The following MBD4 variants were observed in gnomAD, a reference collection of about 807,000 sequenced individuals.
The protein encoded by MBD4 is methyl-CpG-binding domain protein 4.
A neutral mutation model predicts 60.2 loss-of-function variants in MBD4; 53 were observed. The observed-to-expected ratio is 0.88, with a 90% CI of 0.71 to 1.11. MBD4 has a LOEUF of 1.11. MBD4 is among the 50% of genes least tolerant of loss of function. The pLI, the probability that MBD4 is intolerant of heterozygous loss-of-function variation, is 0.00. For synonymous variants in MBD4, 231 were observed against 229.8 expected, an observed-to-expected ratio of 1.01 and a Z score of -0.05; for missense variants, 619 against 674.0, an observed-to-expected ratio of 0.92 and a Z score of 0.90.
intron 5 of MBD4, 28 bp from the exon 6 acceptor site, chr3:129,433,275 A>G (rs568323596): frequency 1.2e-6 from 2 of 1,613,128 alleles, no homozygotes; most frequent in Non-Finnish European, 1.7e-6. Flanking sequence ...CTGAATGATT[A>G]CAAGACTCCA....
Position 129,439,839 on chromosome 3 carries a change from A to C in MBD4, c.-6T>G. Reference sequence around the variant, plus strand: ...TCCAGCCCAGTCGTGCCCATCGAGCAGGGTCCGGCTGCAGCAACGAGCCCA... The same window carrying C: ...TCCAGCCCAGTCGTGCCCATCGAGCCGGGTCCGGCTGCAGCAACGAGCCCA... On this transcript the variant is annotated 5_prime_UTR_variant, in exon 1 of 8. Transcript: ENST00000429544. 3.7e-6 allele frequency: 6 copies of C among 1,605,468 alleles called. No individual in the cohort carries two copies. Among genetic ancestry groups the C allele is most frequent in the Non-Finnish European group, 5.1e-6 (6 of 1,173,792 alleles).
chr3:129,435,379 C>T (rs919022829), intron 3 of MBD4, among the ~76,000 whole-genome samples: 3 of 152,192 alleles, frequency 2.0e-5, no homozygotes, highest in Non-Finnish European at 4.4e-5. Context: ...ATTTCATGGA[C>T]ACCTCGTACT....
chr3:129,432,928 G>C (rs1190691125), intron 6 of MBD4, among the ~76,000 whole-genome samples, 170 bp downstream of exon 6: 1 of 152,188 alleles, frequency 6.6e-6, no homozygotes, highest in African/African-American at 2.4e-5. Context: ...TTATTGTTTA[G>C]GTCAGTGGGA....
In MBD4 at chr3:129,437,825, G is replaced by C. The variant is rs748118249; in HGVS notation, c.230C>G (p.Thr77Ser). 4 of 1,613,944 alleles carry C rather than the reference G, an allele frequency of 2.5e-6. No homozygotes were observed. Among genetic ancestry groups the C allele is most frequent in the Non-Finnish European group, 2.5e-6 (3 of 1,179,918 alleles). The change falls in exon 2 of 8, where the codon ACT (threonine) becomes AGT (serine). Residue 77 changes from threonine to serine, a missense_variant. Physicochemically the swap from Thr to Ser is moderately conservative, Grantham distance 58. Transcript: ENST00000429544. ...EPIASAQFGA[T>S]AGTECRKSVP... ...AGACTTACGGCATTCTGTTCCTGCA[G>C]TAGCACCAAACTGAGCAGAAGCGAT...
At position 129,436,488 on chromosome 3, in the gene MBD4, AGTT is replaced by A. The variant is rs746027174; in HGVS notation, c.1153_1155del (p.Asn385del). On this transcript the variant is annotated inframe_deletion, in exon 3 of 8. Coordinates refer to ENST00000429544, the MANE Select transcript of MBD4 (RefSeq NM_001276270.2). ...GTGAAGTCTTTCCTGGTTGGTGAGC[AGTT>A]GTTGTCCATTTCAGAGCCACGTTTT... is the stretch of plus-strand genomic sequence containing the variant. 2.5e-6 allele frequency: 4 copies of A among 1,614,008 alleles called. No homozygotes were observed. Among genetic ancestry groups the A allele is most frequent in the African/African-American group, 2.7e-5 (2 of 74,942 alleles).
rs1002055066 is a variant in MBD4 at position 129,439,749 on chromosome 3, C to A, written c.85G>T (p.Asp29Tyr). 1 of 1,596,872 alleles carries A rather than the reference C, an allele frequency of 6.3e-7. No individual in the cohort carries two copies. The highest frequency in any genetic ancestry group is 1.3e-5 in the African/African-American group (1 of 74,894). The change falls in exon 1 of 8, where the codon GAC becomes TAC. Residue 29 changes from aspartate to tyrosine, a missense_variant. By Grantham distance (160) the Asp-to-Tyr change is radical (BLOSUM62 -3). Coordinates refer to ENST00000429544, the MANE Select transcript of MBD4 (RefSeq NM_001276270.2). ...TVTSSERLVP[D>Y]PPNDLRKEDV... is the part of the protein sequence containing the mutation. ...ACTTACCGGAGGTCATTCGGCGGGT[C>A]TGGGACTAGGCGCTCACTAGAGGTG...
In MBD4 at chr3:129,439,713, A is replaced by AG; in HGVS notation, c.104+16dup. The stretch of plus-strand genomic sequence containing the variant: ...ACAGGTGGTGAAACTGAGGCCCAAA[A>AG]GGGGACAGTAACTTACCGGAGGTCA... On this transcript the variant is annotated intron_variant, in intron 1 of 7. Coordinates refer to ENST00000429544, the MANE Select transcript of MBD4 (RefSeq NM_001276270.2). 6.8e-7 allele frequency: 1 copy of AG among 1,480,226 alleles called. No individual in the cohort carries two copies. Among genetic ancestry groups the AG allele is most frequent in the Non-Finnish European group, 9.3e-7 (1 of 1,075,310 alleles). 91.7% of individuals were successfully genotyped at this position (1,480,226 alleles called of 1,614,324 possible). A position where few individuals can be genotyped will look rare whatever the true frequency, so the allele number is the denominator to read the frequency against.
chr3:129,433,319 T>C lies in MBD4; in HGVS notation c.1394-72A>G, dbSNP rs1577060978. 6 of 1,522,360 alleles carry C rather than the reference T, an allele frequency of 3.9e-6. No individual in the cohort carries two copies. In the East Asian group the frequency reaches 6.8e-5, roughly 17 times the overall value. 94.3% of individuals were successfully genotyped at this position (1,522,360 alleles called of 1,614,324 possible). A position where few individuals can be genotyped will look rare whatever the true frequency, so the allele number is the denominator to read the frequency against. On this transcript the variant is annotated intron_variant, in intron 5 of 7. Coordinates refer to ENST00000429544, the MANE Select transcript of MBD4 (RefSeq NM_001276270.2). ...GATTTCATGTTCAAGTAGTTTCTCA[T>C]AGAAATCTCATCCAGAGGGTTTTTT...
At position 129,436,534 on chromosome 3, in the gene MBD4, A is replaced by G; in HGVS notation, c.1110T>C (p.His370=). The G allele has an allele frequency of 6.2e-7, 1 of 1,614,124 alleles. No homozygotes were observed. The highest frequency in any genetic ancestry group is 8.5e-7 in the Non-Finnish European group (1 of 1,180,018). Reference sequence around the variant, plus strand: ...CACGTTTTAAAATGTCAGTATGCAAATGTTCTTTCCTTTCCACAACTTCTA... The same window carrying G: ...CACGTTTTAAAATGTCAGTATGCAAGTGTTCTTTCCTTTCCACAACTTCTA... ...TKVEVVERKE[H]LHTDILKRGS... The change falls in exon 3 of 8, where the codon CAT becomes CAC. Residue 370 remains histidine, a synonymous_variant. Transcript: ENST00000429544.
At chr3:129,438,151 A>AC (rs2072513094) in intron 1 of MBD4, among the ~76,000 whole-genome samples, 1 of 152,186 alleles carries the variant, frequency 6.6e-6, no homozygotes, top group Non-Finnish European at 1.5e-5. Context: ...AGCACAGGTT[A>AC]AAAGGTGTTG....
chr3:129,436,200 TTAA>T (rs1286342348), intron 3 of MBD4, among the ~76,000 whole-genome samples: 1 of 152,104 alleles, frequency 6.6e-6, no homozygotes, highest in Non-Finnish European at 1.5e-5. Context: ...ATGGCAGCTG[TTAA>T]TAGTAATACT....
In MBD4 at chr3:129,431,509, G is replaced by C; in HGVS notation, c.1717C>G (p.Leu573Val). 1 of 1,612,616 alleles carries C rather than the reference G, an allele frequency of 6.2e-7. No homozygotes were observed. Among genetic ancestry groups the C allele is most frequent in the Non-Finnish European group, 8.5e-7 (1 of 1,179,204 alleles). Residue 573 changes from leucine to valine, a missense_variant, in exon 8 of 8, where the codon CTA (leucine) becomes GTA (valine). Coordinates refer to ENST00000429544, the MANE Select transcript of MBD4 (RefSeq NM_001276270.2). ...WLWENHEKLS[L>V]S ...CTTGAAAGCTGCAGAGTTTAAGATA[G>C]ACTTAATTTTTCATGATTTTCCCAA...
In MBD4 at chr3:129,437,137, G is replaced by C. The variant is rs1424951016; in HGVS notation, c.507C>G (p.Asn169Lys). ...SMAALTSHLQ[N>K]QSNNSNWNLR... ...GGTTCCAGTTTGAATTGTTACTTTG[G>C]TTTTGTAGATGGGATGTCAGGGCTG... The change falls in exon 3 of 8, where the codon AAC becomes AAG. Residue 169 changes from asparagine to lysine, a missense_variant. Coordinates refer to ENST00000429544, the MANE Select transcript of MBD4 (RefSeq NM_001276270.2). 1 of 1,613,856 alleles carries C rather than the reference G, an allele frequency of 6.2e-7. No homozygotes were observed. Among genetic ancestry groups the C allele is most frequent in the African/African-American group, 1.3e-5 (1 of 74,908 alleles).
intron 2 of MBD4, 24 bp downstream of exon 2, chr3:129,437,694 CTA>C: frequency 6.6e-7 from 1 of 1,520,858 alleles, no homozygotes; most frequent in South Asian, 1.1e-5. Flanking sequence ...TTTGGCTGTA[CTA>C]TCTTTACCAT....
At chr3:129,432,448 C>T (rs765482528) in intron 7 of MBD4, 55 bp downstream of exon 7, 6 of 1,613,838 alleles carry the variant, frequency 3.7e-6, no homozygotes, top group Non-Finnish European at 2.5e-6. Context: ...TAATGGTGGA[C>T]TTATTTTGCC....
At chr3:129,433,335 A>AC in intron 5 of MBD4, 88 bp from the exon 6 acceptor site, 16 of 1,436,190 alleles carry the variant, frequency 1.1e-5, no homozygotes, top group Non-Finnish European at 1.1e-5. Context: ...TCTCATCCAG[A>AC]GGGTTTTTTT....
intron 7 of MBD4, among the ~76,000 whole-genome samples, 182 bp from the exon 8 acceptor site, chr3:129,431,760 TA>T (rs1304272561): frequency 6.6e-6 from 1 of 152,202 alleles, no homozygotes; most frequent in Non-Finnish European, 1.5e-5. Flanking sequence ...TATATTAAGG[TA>T]ATCTCACACA....
intron 5 of MBD4, 72 bp from the exon 6 acceptor site, chr3:129,433,319 T>G: frequency 6.6e-7 from 1 of 1,522,358 alleles, no homozygotes; most frequent in South Asian, 1.1e-5. Context: ...TAGTTTCTCA[T>G]AGAAATCTCA....
At position 129,436,641 on chromosome 3, in the gene MBD4, T is replaced by G; in HGVS notation, c.1003A>C (p.Lys335Gln). ...TCTGAGTCTTTGGCTGAACAAAATTTGTTTATGATGCCAGAAGTTTTTTGT... is the reference window on the plus strand; with the variant it reads ...TCTGAGTCTTTGGCTGAACAAAATTGGTTTATGATGCCAGAAGTTTTTTGT... ...SEQKTSGIIN[K>Q]FCSAKDSEHN... The change falls in exon 3 of 8, where the codon AAA (lysine) becomes CAA (glutamine). Residue 335 changes from lysine (K) to glutamine (Q), a missense_variant. By Grantham distance (53) the Lys-to-Gln change is moderately conservative. Transcript: ENST00000429544. 6.2e-7 allele frequency: 1 copy of G among 1,614,166 alleles called. No homozygotes were observed. Among genetic ancestry groups the G allele is most frequent in the South Asian group, 1.1e-5 (1 of 91,086 alleles).
Sources: allele counts gnomAD v4.1 joint callset (sites outside exome capture counted in the v4.1 genomes callset), GRCh38; gene constraint gnomAD v4.1.1; transcripts MANE v1.5; gene names NCBI Gene and HGNC (gene_info 2026-07-23, HGNC 2026-07-21).